The following SLIT3 variants were observed in gnomAD, a reference collection of about 807,000 sequenced individuals.
SLIT3 encodes slit guidance ligand 3.
Under a neutral mutation model 184.0 loss-of-function variants are expected in SLIT3, and 68 were observed. The observed-to-expected ratio is 0.37, with a 90% CI of 0.30 to 0.45. SLIT3 has a LOEUF of 0.45. Ranked by LOEUF, SLIT3 falls within the 20% of genes least tolerant of loss-of-function variation. The pLI, the probability that SLIT3 is intolerant of heterozygous loss-of-function variation, is 1.00. For missense variants in SLIT3, 1,707 were observed against 2,026.0 expected, an observed-to-expected ratio of 0.84 and a Z score of 3.02; for synonymous variants, 831 against 828.6, an observed-to-expected ratio of 1.00 and a Z score of -0.05.
chr5:169,181,665 T>C (rs111324486), intron 4 of SLIT3, among the ~76,000 whole-genome samples: 16,675 of 150,338 alleles, frequency 0.11, 1,853 homozygotes, highest in African/African-American at 0.27. Flanking sequence ...CGCATGAACC[T>C]GGGAGGTGGA....
chr5:168,967,457 TGA>T (rs1399963779), intron 4 of SLIT3, among the ~76,000 whole-genome samples: 2 of 76,384 alleles, frequency 2.6e-5, no homozygotes, highest in Non-Finnish European at 2.8e-5. Flanking sequence ...TTTTTTTTTT[TGA>T]GACGGAGTCT....
At chr5:168,841,506 T>C (rs1758247650) in intron 6 of SLIT3, among the ~76,000 whole-genome samples, 1 of 152,184 alleles carries the variant, frequency 6.6e-6, no homozygotes, top group Admixed American at 6.5e-5. Context: ...CACCATACTC[T>C]GCACTGGACA....
chr5:168,769,483 T>C (rs1235564533), intron 14 of SLIT3, among the ~76,000 whole-genome samples: 1 of 152,228 alleles, frequency 6.6e-6, no homozygotes, highest in Non-Finnish European at 1.5e-5. Context: ...TCTGCCATGT[T>C]GGACCAGTTA....
At chr5:169,027,517 T>C (rs976449317) in intron 4 of SLIT3, among the ~76,000 whole-genome samples, 2 of 152,222 alleles carry the variant, frequency 1.3e-5, no homozygotes, top group African/African-American at 4.8e-5. Context: ...AGTCAATCAA[T>C]GGCTTTCCCC....
intron 5 of SLIT3, among the ~76,000 whole-genome samples, chr5:168,849,988 T>A (rs1758613347): frequency 6.6e-6 from 1 of 152,118 alleles, no homozygotes; most frequent in Non-Finnish European, 1.5e-5. Flanking sequence ...TTTTTTTTTA[T>A]GACAGTTTAA....
chr5:169,153,781 C>T (rs1200209312), intron 4 of SLIT3, among the ~76,000 whole-genome samples: 2 of 152,220 alleles, frequency 1.3e-5, no homozygotes, highest in Non-Finnish European at 1.5e-5. Flanking sequence ...CCTTTTAGCT[C>T]AACTTTTGCC....
At chr5:169,048,652 A>C in intron 4 of SLIT3, among the ~76,000 whole-genome samples, 1 of 152,210 alleles carries the variant, frequency 6.6e-6, no homozygotes, top group East Asian at 1.9e-4. Context: ...GAGTATAAAA[A>C]GCAACATCAT....
chr5:168,702,581 G>A (rs879674068), intron 26 of SLIT3, among the ~76,000 whole-genome samples: 1 of 152,228 alleles, frequency 6.6e-6, no homozygotes, highest in Admixed American at 6.5e-5. Flanking sequence ...TACCACTTAT[G>A]AAATGGAAAT....
intron 27 of SLIT3, among the ~76,000 whole-genome samples, chr5:168,697,155 C>A (rs1309976277): frequency 6.6e-6 from 1 of 152,234 alleles, no homozygotes; most frequent in East Asian, 1.9e-4. Context: ...TTCTTCCCAT[C>A]ATGTATTCTT....
intron 4 of SLIT3, among the ~76,000 whole-genome samples, chr5:168,962,311 A>AACAC (rs70979116): frequency 0.049 from 7,257 of 147,398 alleles, 265 homozygotes; most frequent in African/African-American, 0.1. Flanking sequence ...CCCACCCCAC[A>AACAC]ACACACACAC....
intron 35 of SLIT3, chr5:168,667,681 C>G (rs1761100603): frequency 6.6e-6 from 1 of 152,226 alleles, no homozygotes; most frequent in Non-Finnish European, 1.5e-5. Context: ...TCCGTGTCTG[C>G]AAAGTGGTAA....
At chr5:169,052,908 G>A (rs1480334711) in intron 4 of SLIT3, among the ~76,000 whole-genome samples, 1 of 152,104 alleles carries the variant, frequency 6.6e-6, no homozygotes, top group Non-Finnish European at 1.5e-5. Context: ...AGGATAGGCA[G>A]ATGTTGCAGA....
intron 4 of SLIT3, among the ~76,000 whole-genome samples, chr5:168,902,694 T>C (rs1760911193): frequency 6.6e-6 from 1 of 152,230 alleles, no homozygotes; most frequent in African/African-American, 2.4e-5. Flanking sequence ...CTGCCTGTGC[T>C]TTAAATAACC....
intron 4 of SLIT3, among the ~76,000 whole-genome samples, chr5:168,925,226 C>T (rs759965445): frequency 2.1e-4 from 32 of 152,130 alleles, no homozygotes; most frequent in African/African-American, 7.2e-4. Context: ...TGAATGGGCT[C>T]GGGGAGCAGG....
chr5:169,279,862 C>G (rs1766937346), intron 1 of SLIT3, among the ~76,000 whole-genome samples: 1 of 152,172 alleles, frequency 6.6e-6, no homozygotes, highest in South Asian at 2.1e-4. Flanking sequence ...TAGTACCCAC[C>G]TCACAGAATG....
At chr5:168,738,237 A>G (rs1005016242) in intron 20 of SLIT3, among the ~76,000 whole-genome samples, 3 of 152,218 alleles carry the variant, frequency 2.0e-5, no homozygotes, top group African/African-American at 7.2e-5. Flanking sequence ...GTACAAAATT[A>G]GTGGAGGGTA....
chr5:169,018,897 G>A (rs1756494720), intron 4 of SLIT3, among the ~76,000 whole-genome samples: 1 of 152,124 alleles, frequency 6.6e-6, no homozygotes, highest in African/African-American at 2.4e-5. Flanking sequence ...CTTTCCCTAG[G>A]AACTCCTGCA....
At chr5:168,926,580 T>G (rs1363518347) in intron 4 of SLIT3, among the ~76,000 whole-genome samples, 1 of 152,240 alleles carries the variant, frequency 6.6e-6, no homozygotes, top group Non-Finnish European at 1.5e-5. Context: ...TTCTACAATC[T>G]GGATCTAACC....
chr5:169,269,676 C>T (rs952725493), intron 1 of SLIT3, among the ~76,000 whole-genome samples: 1 of 152,362 alleles, frequency 6.6e-6, no homozygotes, highest in East Asian at 1.9e-4. Context: ...CCCATTCAGG[C>T]AGAAGCCACT....
Sources: gnomAD v4.1 joint callset for allele counts (sites outside exome capture counted in the v4.1 genomes callset) on GRCh38, gnomAD v4.1.1 for gene constraint, MANE v1.5 for transcripts, NCBI Gene and HGNC (gene_info 2026-07-23, HGNC 2026-07-21) for gene names.